HIVEP1: variants seen among roughly 807,000 people sequenced by gnomAD.
HIVEP1 encodes zinc finger protein 40.
HIVEP1 carries 36 observed loss-of-function variants against 180.0 expected under a neutral mutation model. The ratio of observed to expected loss-of-function variants is 0.20; its 90% confidence interval spans 0.15 to 0.26. HIVEP1 has a LOEUF of 0.26. Among genes scored for constraint, HIVEP1 ranks in the 10% least tolerant of loss-of-function variants. The probability of loss-of-function intolerance (pLI) is 1.00; values close to 1 mark genes in which losing one functional copy is unlikely to be tolerated. For missense variants in HIVEP1, 3,143 were observed against 3,268.7 expected (o/e 0.96, Z 0.94); for synonymous variants, 1,239 against 1,239.0 (o/e 1.00, Z 0.00).
chr6:12,138,513 A>T (rs1758822814), intron 7 of HIVEP1, among the ~76,000 whole-genome samples: 1 of 152,160 alleles, frequency 6.6e-6, no homozygotes, highest in South Asian at 2.1e-4. Context: ...CTAGCCTTCC[A>T]CTAGCCCAGA....
intron 6 of HIVEP1, among the ~76,000 whole-genome samples, chr6:12,133,647 A>C (rs1422278822): frequency 2.6e-5 from 4 of 152,220 alleles, no homozygotes; most frequent in East Asian, 1.9e-4. Flanking sequence ...TTTCTTAAAA[A>C]GTAAATAACC....
intron 7 of HIVEP1, among the ~76,000 whole-genome samples, chr6:12,157,803 G>C (rs1760150091): frequency 6.6e-6 from 1 of 151,980 alleles, no homozygotes; most frequent in Admixed American, 6.6e-5. Flanking sequence ...TTGTCCACTA[G>C]GTCAAGCAGC....
the HIVEP1 span, among the ~76,000 whole-genome samples, chr6:12,184,471 T>A: frequency 2.9e-3 from 447 of 152,348 alleles, 2 homozygotes; most frequent in African/African-American, 0.01. Context: ...AAATGGTATA[T>A]TTTGATCTGT....
At chr6:12,056,260 A>T (rs1235306497) in intron 2 of HIVEP1, among the ~76,000 whole-genome samples, 1 of 152,152 alleles carries the variant, frequency 6.6e-6, no homozygotes, top group African/African-American at 2.4e-5. Context: ...TTTGAAGATG[A>T]AGGAAGTGTC....
intron 2 of HIVEP1, chr6:12,020,562 A>T: frequency 2.5e-6 from 1 of 400,712 alleles, no homozygotes; most frequent in Non-Finnish European, 5.2e-6. Flanking sequence ...GGTGACTTGC[A>T]GGGGGTTCCA....
chr6:12,025,777 C>T (rs754646507), intron 2 of HIVEP1, among the ~76,000 whole-genome samples: 1 of 152,218 alleles, frequency 6.6e-6, no homozygotes, highest in African/African-American at 2.4e-5. Context: ...CGATGGCTCA[C>T]GCCTGTAATC....
intron 3 of HIVEP1, among the ~76,000 whole-genome samples, chr6:12,106,481 T>C (rs1774439903): frequency 6.6e-6 from 1 of 152,188 alleles, no homozygotes; most frequent in African/African-American, 2.4e-5. Flanking sequence ...CATGGCATTT[T>C]AATATTTTTA....
At chr6:12,050,910 C>T (rs891606014) in intron 2 of HIVEP1, among the ~76,000 whole-genome samples, 1 of 149,688 alleles carries the variant, frequency 6.7e-6, no homozygotes, top group Non-Finnish European at 1.5e-5. Context: ...ACAGGCCAGG[C>T]GCTAGGCATG....
At chr6:12,200,715 G>A in the HIVEP1 span, among the ~76,000 whole-genome samples, 1 of 152,190 alleles carries the variant, frequency 6.6e-6, no homozygotes, top group Non-Finnish European at 1.5e-5. Flanking sequence ...CATCTCTCAA[G>A]CCAAAGGGAA....
intron 3 of HIVEP1, among the ~76,000 whole-genome samples, chr6:12,091,497 T>C (rs1773470245): frequency 6.6e-6 from 1 of 152,090 alleles, no homozygotes; most frequent in South Asian, 2.1e-4. Context: ...CAGAAGTATC[T>C]AGCATAGTAG....
chr6:12,056,421 C>A (rs879388363), intron 2 of HIVEP1, among the ~76,000 whole-genome samples: 3 of 152,090 alleles, frequency 2.0e-5, no homozygotes, highest in African/African-American at 7.2e-5. Context: ...TTTGCCTTAT[C>A]TCTGTATATG....
chr6:12,037,855 C>T, intron 2 of HIVEP1: 1 of 407,872 alleles, frequency 2.5e-6, no homozygotes. Flanking sequence ...GGACTACAGG[C>T]ACATGCCAGT....
the HIVEP1 span, among the ~76,000 whole-genome samples, chr6:12,183,080 G>A: frequency 3.3e-5 from 5 of 152,096 alleles, no homozygotes; most frequent in African/African-American, 4.8e-5. Context: ...GAAAACTTAC[G>A]TATAAAAAAA....
chr6:12,115,298 C>T (rs1038424340), intron 3 of HIVEP1, among the ~76,000 whole-genome samples: 6 of 149,626 alleles, frequency 4.0e-5, no homozygotes, highest in Non-Finnish European at 8.9e-5. Context: ...AATAAAGTGT[C>T]AGTGACTTCA....
chr6:12,210,558 C>T, the HIVEP1 span, among the ~76,000 whole-genome samples: 1 of 152,114 alleles, frequency 6.6e-6, no homozygotes, highest in African/African-American at 2.4e-5. Flanking sequence ...TAGTGAAAAG[C>T]TATGATTTGA....
At chr6:12,009,027 C>CGCGGAGG (rs978720305), upstream of HIVEP1, among the ~76,000 whole-genome samples, 11 of 151,340 alleles carry the variant, frequency 7.3e-5, no homozygotes, top group Non-Finnish European at 1.0e-4. Flanking sequence ...GCCCAGCGCG[C>CGCGGAGG]GCGGAGGGCG....
chr6:12,018,372 C>A (rs1053881944), intron 2 of HIVEP1, among the ~76,000 whole-genome samples: 40 of 152,210 alleles, frequency 2.6e-4, no homozygotes, highest in African/African-American at 8.7e-4. Flanking sequence ...TCAAGCGCGG[C>A]CAGAGTGGGC....
intron 2 of HIVEP1, among the ~76,000 whole-genome samples, chr6:12,071,467 A>G (rs1318327617): frequency 1.3e-5 from 2 of 152,084 alleles, no homozygotes; most frequent in Admixed American, 6.5e-5. Context: ...TCCTTTTCCT[A>G]TTTATACCCT....
Position 12,122,448 on chromosome 6 carries a change from G to A in HIVEP1, c.2653G>A (p.Ala885Thr), listed in dbSNP as rs757353930. ...YDDVFVSGPNAPVPQSGHPRT... is the reference protein window; with the variant it reads ...YDDVFVSGPNTPVPQSGHPRT... ...TGATGTCTTTGTATCGGGACCTAAC[G>A]CTCCTGTGCCCCAGAGTGGGCATCC... is the stretch of plus-strand genomic sequence containing the variant. The change falls in exon 4 of 9, where the codon GCT (alanine) becomes ACT (threonine). Residue 885 changes from alanine to threonine, a missense_variant. Physicochemically the swap from Ala to Thr is moderately conservative, Grantham distance 58. This residue lies in a region of HIVEP1 where 204 missense variants were observed against 243.7 expected (regional missense o/e 0.84). Coordinates refer to ENST00000379388, the MANE Select transcript of HIVEP1 (RefSeq NM_002114.4). 3.1e-6 allele frequency: 5 copies of A among 1,614,060 alleles called. No homozygotes were observed. Among genetic ancestry groups the A allele is most frequent in the Non-Finnish European group, 4.2e-6 (5 of 1,180,046 alleles).
Sources: gnomAD v4.1 joint callset for allele counts (sites outside exome capture counted in the v4.1 genomes callset) on GRCh38, gnomAD v4.1.1 for gene constraint, gnomAD v4.1.1 regional missense constraint, MANE v1.5 for transcripts, NCBI Gene and HGNC (gene_info 2026-07-23, HGNC 2026-07-21) for gene names.